The following GPHN variants were observed in gnomAD, a reference collection of about 807,000 sequenced individuals.
GPHN encodes gephyrin.
Under a neutral mutation model 95.5 loss-of-function variants are expected in GPHN, and 17 were observed. That is an observed-to-expected ratio of 0.18 (90% CI 0.12 to 0.27). GPHN has a LOEUF of 0.27. GPHN is among the 10% of genes least tolerant of loss of function. The pLI, the probability that GPHN is intolerant of heterozygous loss-of-function variation, is 1.00. For missense variants in GPHN, 660 were observed against 978.1 expected (o/e 0.67, Z 4.34); for synonymous variants, 320 against 322.5 (o/e 0.99, Z 0.08).
chr14:66,689,993 A>G (rs538192313), intron 2 of GPHN, among the ~76,000 whole-genome samples: 1 of 151,850 alleles, frequency 6.6e-6, no homozygotes, highest in African/African-American at 2.4e-5. Flanking sequence ...TGATCTTTTC[A>G]TAAAACCAAC....
the GPHN span, chr14:67,722,846 G>A: frequency 1.0e-5 from 8 of 794,078 alleles, no homozygotes; most frequent in African/African-American, 1.2e-4. Context: ...AGGAAGGAAG[G>A]GGGTGTTGTG....
At chr14:66,621,428 CTTT>C (rs143345607) in intron 1 of GPHN, among the ~76,000 whole-genome samples, 1 of 138,064 alleles carries the variant, frequency 7.2e-6, no homozygotes, top group African/African-American at 2.7e-5. Context: ...GCTGTCAAAT[CTTT>C]TTTTTTTTTT....
At chr14:67,008,290 A>G (rs1414748729) in intron 9 of GPHN, among the ~76,000 whole-genome samples, 2 of 151,674 alleles carry the variant, frequency 1.3e-5, no homozygotes, top group Non-Finnish European at 2.9e-5. Context: ...CATCTCTACT[A>G]AAAATACACA....
chr14:67,307,204 G>A, the GPHN span, among the ~76,000 whole-genome samples: 3 of 152,082 alleles, frequency 2.0e-5, no homozygotes, highest in Non-Finnish European at 2.9e-5. Flanking sequence ...TCTAGGAAAT[G>A]CATACATTAT....
the GPHN span, chr14:67,575,716 C>T: frequency 6.5e-5 from 55 of 841,658 alleles, no homozygotes; most frequent in East Asian, 7.2e-4. Flanking sequence ...ATCCTGTCAT[C>T]GGTCCATATC....
At chr14:66,819,987 G>T (rs978672663) in intron 3 of GPHN, among the ~76,000 whole-genome samples, 1 of 152,028 alleles carries the variant, frequency 6.6e-6, no homozygotes, top group African/African-American at 2.4e-5. Flanking sequence ...TATTGACTTT[G>T]AAATAACTGT....
chr14:67,402,460 A>C, the GPHN span, among the ~76,000 whole-genome samples: 6 of 152,158 alleles, frequency 3.9e-5, no homozygotes, highest in Non-Finnish European at 5.9e-5. Flanking sequence ...TTTTAAACGT[A>C]CAATTAAGTT....
At chr14:66,725,189 G>A (rs1455311410) in intron 2 of GPHN, among the ~76,000 whole-genome samples, 1 of 152,116 alleles carries the variant, frequency 6.6e-6, no homozygotes, top group East Asian at 1.9e-4. Context: ...GGCCATGCTG[G>A]CACCCTGATA....
intron 1 of GPHN, among the ~76,000 whole-genome samples, chr14:66,561,736 T>C (rs1178092156): frequency 6.6e-6 from 1 of 152,200 alleles, no homozygotes; most frequent in Non-Finnish European, 1.5e-5. Context: ...TTTCTATTGT[T>C]ATACAAAATT....
the GPHN span, chr14:67,585,733 G>C: frequency 8.3e-7 from 1 of 1,199,664 alleles, no homozygotes; most frequent in Non-Finnish European, 1.2e-6. Context: ...GGACTCAAAA[G>C]CCTGAACCAA....
chr14:67,659,652 A>G, the GPHN span: 1 of 1,409,510 alleles, frequency 7.1e-7, no homozygotes, highest in Non-Finnish European at 9.5e-7. Flanking sequence ...ATAACATGAA[A>G]TACCCCAACA....
chr14:67,581,981 T>G, the GPHN span: 9 of 1,308,946 alleles, frequency 6.9e-6, no homozygotes, highest in Non-Finnish European at 9.5e-6. Context: ...CTTTATCTTT[T>G]TGGAAATAAA....
chr14:67,069,162 T>C (rs1410242630), intron 11 of GPHN, among the ~76,000 whole-genome samples: 1 of 152,244 alleles, frequency 6.6e-6, no homozygotes, highest in Non-Finnish European at 1.5e-5. Context: ...GGAAATAATG[T>C]CTACCCAATG....
chr14:67,377,309 T>C, the GPHN span, among the ~76,000 whole-genome samples: 2 of 152,202 alleles, frequency 1.3e-5, no homozygotes, highest in African/African-American at 4.8e-5. Context: ...AAATCAGTCT[T>C]GCAGGTTGGT....
the GPHN span, chr14:67,198,112 C>T: frequency 6.9e-6 from 11 of 1,585,110 alleles, no homozygotes; most frequent in Non-Finnish European, 9.4e-6. Flanking sequence ...TCTGTATCCA[C>T]TAATTGTGTT....
At chr14:67,729,396 G>T in the GPHN span, 3 of 1,596,536 alleles carry the variant, frequency 1.9e-6, no homozygotes. Flanking sequence ...TGAAGGCAAT[G>T]CGGTTCTCTC....
chr14:67,209,204 T>G, the GPHN span, among the ~76,000 whole-genome samples: 1 of 152,188 alleles, frequency 6.6e-6, no homozygotes, highest in Non-Finnish European at 1.5e-5. Context: ...GCAAAAATGA[T>G]CAAGTCCATA....
chr14:67,511,221 G>A, the GPHN span, among the ~76,000 whole-genome samples: 1 of 152,302 alleles, frequency 6.6e-6, no homozygotes, highest in East Asian at 1.9e-4. Context: ...GTCAGAAGTG[G>A]ATAATCCAGT....
chr14:66,753,530 GA>G (rs2058448705), intron 2 of GPHN, among the ~76,000 whole-genome samples: 1 of 151,632 alleles, frequency 6.6e-6, no homozygotes, highest in Admixed American at 6.6e-5. Context: ...AAATTTTAAA[GA>G]AAGTTATATT....
Sources: allele counts gnomAD v4.1 joint callset (sites outside exome capture counted in the v4.1 genomes callset), GRCh38; gene constraint gnomAD v4.1.1; transcripts MANE v1.5; gene names NCBI Gene and HGNC (gene_info 2026-07-23, HGNC 2026-07-21).